KCTD8: variants seen among roughly 807,000 people sequenced by gnomAD.
The protein encoded by KCTD8 is BTB/POZ domain-containing protein KCTD8.
A neutral mutation model predicts 31.5 loss-of-function variants in KCTD8; 27 were observed. That is an observed-to-expected ratio of 0.86 (90% CI 0.63 to 1.18). The LOEUF (loss-of-function observed/expected upper bound fraction) is 1.18, where lower values mean the gene tolerates loss of function less well. Among genes scored for constraint, KCTD8 ranks in the 50% most tolerant of loss-of-function variants. The pLI, the probability that KCTD8 is intolerant of heterozygous loss-of-function variation, is 0.00. For synonymous variants in KCTD8, 290 were observed against 280.0 expected (o/e 1.04, Z -0.36); for missense variants, 658 against 647.7 (o/e 1.02, Z -0.17).
chr4:44,361,778 A>G (rs1186761540), intron 1 of KCTD8, among the ~76,000 whole-genome samples: 1 of 152,102 alleles, frequency 6.6e-6, no homozygotes, highest in Non-Finnish European at 1.5e-5. Context: ...TAAATCATAC[A>G]TTAAATCACC....
chr4:44,379,559 T>C (rs966879188), intron 1 of KCTD8, among the ~76,000 whole-genome samples: 1 of 152,136 alleles, frequency 6.6e-6, no homozygotes, highest in African/African-American at 2.4e-5. Context: ...CAGGTGTGTG[T>C]ATGTGTGTGT....
chr4:44,198,511 C>A (rs1714017134), intron 1 of KCTD8, among the ~76,000 whole-genome samples: 1 of 152,076 alleles, frequency 6.6e-6, no homozygotes, highest in Non-Finnish European at 1.5e-5. Context: ...TTTCAGCATC[C>A]TCAAAGAAAA....
intron 1 of KCTD8, among the ~76,000 whole-genome samples, chr4:44,378,637 T>C (rs1719979878): frequency 6.6e-6 from 1 of 152,072 alleles, no homozygotes; most frequent in South Asian, 2.1e-4. Flanking sequence ...CTACATCTCC[T>C]TACAATTGAA....
At chr4:44,319,518 G>T (rs1718232763) in intron 1 of KCTD8, among the ~76,000 whole-genome samples, 1 of 151,694 alleles carries the variant, frequency 6.6e-6, no homozygotes, top group Non-Finnish European at 1.5e-5. Flanking sequence ...AAAGAAGCTG[G>T]GATTACAGTA....
chr4:44,241,334 C>G (rs1176518825), intron 1 of KCTD8, among the ~76,000 whole-genome samples: 1 of 152,172 alleles, frequency 6.6e-6, no homozygotes, highest in African/African-American at 2.4e-5. Flanking sequence ...AATCAAATAG[C>G]TGACATATAA....
At chr4:44,284,876 C>T (rs1369844064) in intron 1 of KCTD8, among the ~76,000 whole-genome samples, 7 of 152,118 alleles carry the variant, frequency 4.6e-5, no homozygotes, top group African/African-American at 9.7e-5. Flanking sequence ...AAAAAATGCT[C>T]ATCATCACTG....
At chr4:44,339,345 G>A (rs1718835469) in intron 1 of KCTD8, among the ~76,000 whole-genome samples, 1 of 152,010 alleles carries the variant, frequency 6.6e-6, no homozygotes. Flanking sequence ...CTGAGAGCAG[G>A]ATTTAAGAGT....
chr4:44,300,723 T>A (rs1262880896), intron 1 of KCTD8, among the ~76,000 whole-genome samples: 1 of 152,016 alleles, frequency 6.6e-6, no homozygotes, highest in African/African-American at 2.4e-5. Context: ...AACTCTTTTT[T>A]TTATTATTAT....
At chr4:44,258,332 T>C (rs1007357736) in intron 1 of KCTD8, among the ~76,000 whole-genome samples, 1 of 151,062 alleles carries the variant, frequency 6.6e-6, no homozygotes, top group Non-Finnish European at 1.5e-5. Context: ...GTCTATATAC[T>C]AGAAAAAATT....
chr4:44,289,128 T>C (rs1717192315), intron 1 of KCTD8, among the ~76,000 whole-genome samples: 2 of 151,670 alleles, frequency 1.3e-5, no homozygotes, highest in Admixed American at 1.3e-4. Flanking sequence ...AAGAAACTGA[T>C]ACATGTAAAA....
intron 1 of KCTD8, among the ~76,000 whole-genome samples, chr4:44,325,274 G>A (rs1053739020): frequency 6.6e-6 from 1 of 151,840 alleles, no homozygotes; most frequent in African/African-American, 2.4e-5. Context: ...GAAGAGAACG[G>A]AATAAAGACT....
chr4:44,209,107 G>C (rs962016245), intron 1 of KCTD8, among the ~76,000 whole-genome samples: 1 of 152,066 alleles, frequency 6.6e-6, no homozygotes, highest in East Asian at 1.9e-4. Flanking sequence ...TGGAATCTTG[G>C]ATTTTTACCC....
intron 1 of KCTD8, among the ~76,000 whole-genome samples, chr4:44,276,949 C>A (rs1716768165): frequency 6.6e-6 from 1 of 151,828 alleles, no homozygotes; most frequent in Admixed American, 6.6e-5. Flanking sequence ...AACTTTGGTC[C>A]AAATCCCAGC....
chr4:44,182,157 C>T (rs551817160), intron 1 of KCTD8, among the ~76,000 whole-genome samples: 2 of 151,310 alleles, frequency 1.3e-5, no homozygotes, highest in East Asian at 2.0e-4. Context: ...CCGCCCCGTC[C>T]GAGAGGGAGG....
At chr4:44,351,279 C>A (rs1719187023) in intron 1 of KCTD8, among the ~76,000 whole-genome samples, 1 of 152,044 alleles carries the variant, frequency 6.6e-6, no homozygotes, top group Non-Finnish European at 1.5e-5. Flanking sequence ...TTGTGAAATG[C>A]ATTAATAAAT....
chr4:44,331,450 A>C (rs1284518018), intron 1 of KCTD8, among the ~76,000 whole-genome samples: 1 of 151,706 alleles, frequency 6.6e-6, no homozygotes, highest in Non-Finnish European at 1.5e-5. Context: ...ATTATTTATC[A>C]TATTATAAAG....
At chr4:44,295,154 G>C (rs2109387955) in intron 1 of KCTD8, among the ~76,000 whole-genome samples, 1 of 152,222 alleles carries the variant, frequency 6.6e-6, no homozygotes, top group Non-Finnish European at 1.5e-5. Context: ...TAATTAGCCA[G>C]ACATGCTGGC....
In KCTD8 at chr4:44,414,491, G is replaced by A. The variant is rs142681307; in HGVS notation, c.961+33072C>T. Among the ~76,000 whole-genome samples, 661 of 152,134 alleles carry A rather than the reference G, an allele frequency of 4.3e-3. 6 individuals are homozygous for A. The highest frequency in any genetic ancestry group is 0.012 in the African/African-American group (498 of 41,504). On this transcript the variant is annotated intron_variant, in intron 1 of 1. Coordinates refer to ENST00000360029, the MANE Select transcript of KCTD8 (RefSeq NM_198353.3). ...GCATCATCTCTATTATAAATGTGTC[G>A]AAAGTAGGGAGCCTAGTTCTCCTGA... is the stretch of plus-strand genomic sequence containing the variant.
At chr4:44,359,868 C>T (rs929062318) in intron 1 of KCTD8, among the ~76,000 whole-genome samples, 7 of 151,992 alleles carry the variant, frequency 4.6e-5, no homozygotes, top group African/African-American at 1.4e-4. Flanking sequence ...CAAAATCATA[C>T]ATTTTTATTC....
Sources: allele counts gnomAD v4.1 joint callset (sites outside exome capture counted in the v4.1 genomes callset), GRCh38; gene constraint gnomAD v4.1.1; transcripts MANE v1.5; gene names NCBI Gene and HGNC (gene_info 2026-07-23, HGNC 2026-07-21).